PAPPA2: variants seen among roughly 807,000 people sequenced by gnomAD.
PAPPA2 encodes pappalysin 2, also known as pappalysin-2.
PAPPA2 carries 86 observed loss-of-function variants against 176.4 expected under a neutral mutation model. The ratio of observed to expected loss-of-function variants is 0.49; its 90% CI spans 0.41 to 0.58. PAPPA2 has a LOEUF of 0.58. Ranked by LOEUF, PAPPA2 falls within the 20% of genes least tolerant of loss-of-function variation. PAPPA2 has a pLI of 0.00. For missense variants in PAPPA2, 2,073 were observed against 2,256.9 expected (o/e 0.92, Z 1.65); for synonymous variants, 809 against 852.2 (o/e 0.95, Z 0.88).
intron 20 of PAPPA2, among the ~76,000 whole-genome samples, chr1:176,797,194 T>C (rs1665481026): frequency 6.6e-6 from 1 of 152,190 alleles, no homozygotes; most frequent in Admixed American, 6.5e-5. Context: ...GGAAGTATAA[T>C]TATATTGGAG....
chr1:176,684,248 G>A (rs73046363), intron 4 of PAPPA2, among the ~76,000 whole-genome samples: 259 of 152,242 alleles, frequency 1.7e-3, no homozygotes, highest in African/African-American at 5.9e-3. Context: ...GGAACCAGTG[G>A]GGTAAAATGT....
intron 1 of PAPPA2, chr1:176,553,479 G>C (rs1054552197): frequency 6.6e-6 from 1 of 152,004 alleles, no homozygotes; most frequent in Non-Finnish European, 1.5e-5. Context: ...ACACAGAAAT[G>C]GTTCAACATT....
At chr1:176,726,455 G>A (rs1397817938) in intron 12 of PAPPA2, among the ~76,000 whole-genome samples, 2 of 152,198 alleles carry the variant, frequency 1.3e-5, no homozygotes, top group Non-Finnish European at 2.9e-5. Context: ...ACTGGTGAAT[G>A]CATGAATAAA....
chr1:176,692,137 AC>A lies in PAPPA2; in HGVS notation c.2444del (p.Thr815MetfsTer18). The stretch of plus-strand genomic sequence containing the variant: ...TTTTGTCTCCACAGATGATAACTGC[AC>A]TGACAACTTCACTCCTAACCAAGTG... ...NYMSYTDDNC[T>X]DNFTPNQVAR... On this transcript the variant is annotated frameshift_variant, in exon 6 of 23. Transcript: ENST00000367662. LOFTEE classifies it high-confidence loss of function. 1 of 1,613,300 alleles carries A rather than the reference AC, an allele frequency of 6.2e-7. No homozygotes were observed. The highest frequency in any genetic ancestry group is 2.2e-5 in the East Asian group (1 of 44,870).
chr1:176,760,436 C>A (rs1387818447), intron 14 of PAPPA2, among the ~76,000 whole-genome samples: 4 of 152,154 alleles, frequency 2.6e-5, no homozygotes, highest in South Asian at 2.1e-4. Flanking sequence ...TGGGGTGGAG[C>A]TTTACTCCTA....
intron 3 of PAPPA2, among the ~76,000 whole-genome samples, chr1:176,652,374 T>G (rs991159801): frequency 1.8e-4 from 28 of 151,716 alleles, no homozygotes; most frequent in African/African-American, 6.8e-4. Flanking sequence ...TCCACTAGGT[T>G]GCTGCCTCCT....
chr1:176,638,131 T>C (rs971491545), intron 3 of PAPPA2, among the ~76,000 whole-genome samples: 1 of 152,112 alleles, frequency 6.6e-6, no homozygotes, highest in Admixed American at 6.6e-5. Flanking sequence ...TCCTTAATAG[T>C]GAAGGTTGAC....
chr1:176,762,309 C>A, intron 14 of PAPPA2, among the ~76,000 whole-genome samples: 1 of 150,528 alleles, frequency 6.6e-6, no homozygotes, highest in Non-Finnish European at 1.5e-5. Context: ...CTCATATTCT[C>A]CCCTGTCTCA....
rs186932823 is a variant in PAPPA2 at position 176,668,367 on chromosome 1, A to C, written c.1992-2603A>C. On this transcript the variant is annotated intron_variant, in intron 3 of 22. Transcript: ENST00000367662. ...TTTAATACAAAGTTCTGGTCAATGC[A>C]TGCCCCTTTTGCGTTTCACTGCATT... Among the ~76,000 whole-genome samples the C allele has an allele frequency of 1.1e-3, 175 of 152,324 alleles. 1 individual carries two copies. The highest frequency in any genetic ancestry group is 3.9e-3 in the African/African-American group (161 of 41,576).
chr1:176,581,918 CTTTCTTTTTTTTTTTT>C (rs1652996528), intron 2 of PAPPA2, among the ~76,000 whole-genome samples: 3 of 117,906 alleles, frequency 2.5e-5, no homozygotes, highest in African/African-American at 1.0e-4. Flanking sequence ...TTCTTTCTTT[CTTTCTTTTTTTTTTTT>C]TTTTTTTGAG....
chr1:176,799,334 G>C (rs1665572528), intron 20 of PAPPA2, among the ~76,000 whole-genome samples: 1 of 152,182 alleles, frequency 6.6e-6, no homozygotes. Context: ...ATGACTATTT[G>C]TTTAAATATG....
rs766379891 is a variant in PAPPA2, at chr1:176,556,454, G to A, written c.132G>A (p.Leu44=). ...LVEREHLNQV[L]LEGERCWLGA... is the part of the protein sequence containing the mutation. ...AGAGGGAACACCTGAATCAGGTGCT[G>A]TTGGAAGGAGAACGTTGTTGGCTGG... Residue 44 remains leucine, a synonymous_variant, in exon 2 of 23, where the codon CTG becomes CTA. Transcript: ENST00000367662. 4 of 1,614,120 alleles carry A rather than the reference G, an allele frequency of 2.5e-6. No homozygotes were observed. Among genetic ancestry groups the A allele is most frequent in the African/African-American group, 1.3e-5 (1 of 74,942 alleles).
chr1:176,503,552 TA>T (rs1485445462), intron 1 of PAPPA2, among the ~76,000 whole-genome samples: 3 of 152,146 alleles, frequency 2.0e-5, no homozygotes, highest in East Asian at 1.9e-4. Flanking sequence ...ATTAGAATCA[TA>T]AAAAAATTTA....
intron 1 of PAPPA2, among the ~76,000 whole-genome samples, chr1:176,485,985 G>T (rs1652628781): frequency 6.6e-6 from 1 of 152,186 alleles, no homozygotes; most frequent in African/African-American, 2.4e-5. Flanking sequence ...GATAAATTGT[G>T]GGAAAATGAC....
At chr1:176,635,430 A>C (rs1293578765) in intron 3 of PAPPA2, among the ~76,000 whole-genome samples, 1 of 152,184 alleles carries the variant, frequency 6.6e-6, no homozygotes. Flanking sequence ...TCAAACATTC[A>C]GGGTACCACA....
In PAPPA2 at chr1:176,771,197, T is replaced by C; in HGVS notation, c.4715+17T>C. On this transcript the variant is annotated intron_variant, in intron 17 of 22. Transcript: ENST00000367662. ...AGTCAGGAAGTAAGTTGAATGTTCCTGGTCTTTGGAGTTCTACCTACCTCG... is the reference window on the plus strand; with the variant it reads ...AGTCAGGAAGTAAGTTGAATGTTCCCGGTCTTTGGAGTTCTACCTACCTCG... 6.2e-7 allele frequency: 1 copy of C among 1,610,730 alleles called. No individual in the cohort carries two copies. The highest frequency in any genetic ancestry group is 1.1e-5 in the South Asian group (1 of 90,998).
intron 1 of PAPPA2, among the ~76,000 whole-genome samples, chr1:176,498,390 G>T (rs1204855259): frequency 6.6e-6 from 1 of 152,096 alleles, no homozygotes; most frequent in Admixed American, 6.6e-5. Flanking sequence ...TAAACAATCA[G>T]ATTTTCTTTT....
At chr1:176,566,977 TCCATA>T (rs1652020426) in intron 2 of PAPPA2, among the ~76,000 whole-genome samples, 1 of 152,204 alleles carries the variant, frequency 6.6e-6, no homozygotes. Flanking sequence ...GGACACAGAT[TCCATA>T]CTTTCGCTCT....
intron 17 of PAPPA2, among the ~76,000 whole-genome samples, chr1:176,785,330 C>T (rs1270378604): frequency 6.6e-6 from 1 of 151,896 alleles, no homozygotes; most frequent in Admixed American, 6.6e-5. Context: ...ACTATTGGGC[C>T]CCGAGATACT....
Sources: gnomAD v4.1 joint callset for allele counts (sites outside exome capture counted in the v4.1 genomes callset) on GRCh38, gnomAD v4.1.1 for gene constraint, MANE v1.5 for transcripts, NCBI Gene and HGNC (gene_info 2026-07-23, HGNC 2026-07-21) for gene names.